CASP5: variants seen among roughly 807,000 people sequenced by gnomAD.
The protein encoded by CASP5 is caspase-5.
In CASP5, 42 loss-of-function variants were observed where a neutral mutation model predicts 45.2. The observed-to-expected ratio is 0.93, with a 90% CI of 0.73 to 1.20. The LOEUF (loss-of-function observed/expected upper bound fraction) is 1.20, where lower values mean the gene tolerates loss of function less well. Among genes scored for constraint, CASP5 ranks in the 50% most tolerant of loss-of-function variants. The pLI, the probability that CASP5 is intolerant of heterozygous loss-of-function variation, is 0.00. For missense variants in CASP5, 512 were observed against 532.2 expected, an observed-to-expected ratio of 0.96 and a Z score of 0.37; for synonymous variants, 209 against 186.2, an observed-to-expected ratio of 1.12 and a Z score of -1.00.
chr11:105,007,672 T>C (rs558096382), intron 2 of CASP5, among the ~76,000 whole-genome samples: 4 of 152,248 alleles, frequency 2.6e-5, no homozygotes, highest in African/African-American at 7.2e-5. Flanking sequence ...ATAATTTACC[T>C]GAAATGGACA....
At chr11:104,999,360 C>T (rs1303625181) in intron 6 of CASP5, among the ~76,000 whole-genome samples, 1 of 152,152 alleles carries the variant, frequency 6.6e-6, no homozygotes, top group African/African-American at 2.4e-5. Flanking sequence ...CAGCTTCATT[C>T]ATGTCCCTGC....
chr11:104,994,413 A>G (rs1294032733), intron 9 of CASP5, 66 bp from the exon 10 acceptor site: 1 of 152,190 alleles, frequency 6.6e-6, no homozygotes, highest in Non-Finnish European at 1.5e-5. Flanking sequence ...CCCATCCTTC[A>G]TTATGATTCT....
intron 1 of CASP5, among the ~76,000 whole-genome samples, chr11:105,013,133 G>C (rs1565390713): frequency 6.6e-6 from 1 of 151,824 alleles, no homozygotes; most frequent in Non-Finnish European, 1.5e-5. Context: ...GATTAACATG[G>C]ATAACATTAC....
At position 105,003,411 on chromosome 11, in the gene CASP5, T is replaced by C. The variant is rs750592959; in HGVS notation, c.434-28A>G. 17 of 1,318,866 alleles carry C rather than the reference T, an allele frequency of 1.3e-5. No homozygotes were observed. The East Asian group carries it at 3.5e-4, about 28-fold the overall frequency. 81.7% of individuals were successfully genotyped at this position (1,318,866 alleles called of 1,614,324 possible). ...GTGGGATATCACAAAATATAAATTA[T>C]GGTTTCTGCCTCTGTGACCCAATTT... On this transcript the variant is annotated intron_variant, in intron 3 of 9. Coordinates refer to ENST00000260315, the MANE Select transcript of CASP5 (RefSeq NM_004347.5).
intron 1 of CASP5, among the ~76,000 whole-genome samples, chr11:105,011,665 T>C (rs1473143844): frequency 5.9e-5 from 9 of 151,514 alleles, no homozygotes; most frequent in African/African-American, 2.4e-5. Flanking sequence ...AACTAAAAAA[T>C]TGGATGATAA....
At position 105,007,246 on chromosome 11, in the gene CASP5, G is replaced by A. The variant is rs148588943; in HGVS notation, c.270C>T (p.His90=). Residue 90 remains histidine, a synonymous_variant, in exon 3 of 10, where the codon CAC becomes CAT. Coordinates refer to ENST00000260315, the MANE Select transcript of CASP5 (RefSeq NM_004347.5). ...CCTCTTCCTTCAATGTCAGAACATC[G>A]TGTTTTGCCAAATAATTAAAAACAC... ...LHGVFNYLAK[H]DVLTLKEEEK... 6.8e-6 allele frequency: 11 copies of A among 1,612,208 alleles called. No individual in the cohort carries two copies. The African/African-American group carries it at 8.0e-5, about 12-fold the overall frequency.
chr11:105,006,032 G>A (rs1435840506), intron 3 of CASP5, among the ~76,000 whole-genome samples: 1 of 152,108 alleles, frequency 6.6e-6, no homozygotes, highest in Non-Finnish European at 1.5e-5. Context: ...TTATGTTCAT[G>A]ATCGTATGTG....
At chr11:105,020,679 C>T (rs182775874) in intron 1 of CASP5, among the ~76,000 whole-genome samples, 22,997 of 151,736 alleles carry the variant, frequency 0.15, 1,964 homozygotes, top group Admixed American at 0.24. Context: ...AATGGAAGAA[C>T]ATTCCATGCT....
chr11:105,002,561 T>G (rs1478734630), intron 4 of CASP5, among the ~76,000 whole-genome samples: 2 of 152,204 alleles, frequency 1.3e-5, no homozygotes, highest in African/African-American at 4.8e-5. Flanking sequence ...CCTTCCGTAT[T>G]ATGATTATTT....
intron 3 of CASP5, 42 bp from the exon 4 acceptor site, chr11:105,003,425 G>T: frequency 9.1e-7 from 1 of 1,093,904 alleles, no homozygotes; most frequent in Non-Finnish European, 1.3e-6. Context: ...TTCTGCCTCT[G>T]TGACCCAATT....
chr11:104,998,513 G>C (rs1188076931), intron 7 of CASP5, among the ~76,000 whole-genome samples: 1 of 152,088 alleles, frequency 6.6e-6, no homozygotes, highest in African/African-American at 2.4e-5. Flanking sequence ...CGTTTGGAAA[G>C]ACAGCCAGTA....
chr11:105,009,767 ACACGTATATATATATATATACACACG>A (rs1862203788), intron 1 of CASP5, among the ~76,000 whole-genome samples: 1 of 75,962 alleles, frequency 1.3e-5, no homozygotes, highest in Admixed American at 1.3e-4. Context: ...ATACACACAC[ACACGTATATATATATATATACACACG>A]TATATATATA....
intron 1 of CASP5, among the ~76,000 whole-genome samples, chr11:105,009,786 T>TATATATAC (rs1313739061): frequency 4.2e-5 from 4 of 94,922 alleles, no homozygotes; most frequent in African/African-American, 1.5e-4. Context: ...TATATATATA[T>TATATATAC]ACACACGTAT....
intron 1 of CASP5, among the ~76,000 whole-genome samples, chr11:105,016,216 T>C (rs917443686): frequency 2.0e-5 from 3 of 152,158 alleles, no homozygotes; most frequent in Non-Finnish European, 2.9e-5. Context: ...TAAAGGTTAA[T>C]AAATGCCTAC....
At chr11:105,005,354 A>ATGTG (rs1383458291) in intron 3 of CASP5, among the ~76,000 whole-genome samples, 9 of 113,948 alleles carry the variant, frequency 7.9e-5, no homozygotes, top group East Asian at 2.2e-4. Flanking sequence ...GTGTATATAT[A>ATGTG]TATGTGTGTG....
chr11:104,995,549 T>C (rs1861423024), intron 9 of CASP5, among the ~76,000 whole-genome samples, 191 bp downstream of exon 9: 1 of 152,194 alleles, frequency 6.6e-6, no homozygotes, highest in Non-Finnish European at 1.5e-5. Flanking sequence ...TACCCTTTGA[T>C]TGATTATATA....
chr11:105,016,449 G>A (rs1862597991), intron 1 of CASP5, among the ~76,000 whole-genome samples: 3 of 152,150 alleles, frequency 2.0e-5, no homozygotes, highest in East Asian at 1.9e-4. Flanking sequence ...CAGTGGGTGC[G>A]TGCACCGTGT....
Position 105,021,006 on chromosome 11 carries a change from A to G in CASP5, c.7+2124T>C, listed in dbSNP as rs993520553. Among the ~76,000 whole-genome samples, 61 of 152,060 alleles carry G rather than the reference A, an allele frequency of 4.0e-4. 1 individual carries two copies. Among genetic ancestry groups the G allele is most frequent in the South Asian group, 6.2e-4 (3 of 4,818 alleles). On this transcript the variant is annotated intron_variant, in intron 1 of 9. Coordinates refer to ENST00000260315, the MANE Select transcript of CASP5 (RefSeq NM_004347.5). ...ACAGAGCCCTCAGAAATAATGCCGC[A>G]TATCTACAACTATCTGATCTTTGAC...
chr11:105,013,749 A>G (rs935638066), intron 1 of CASP5, among the ~76,000 whole-genome samples: 1 of 152,084 alleles, frequency 6.6e-6, no homozygotes, highest in Non-Finnish European at 1.5e-5. Context: ...AACCTCATTC[A>G]ATTGAACTTT....
Sources: gnomAD v4.1 joint callset for allele counts (sites outside exome capture counted in the v4.1 genomes callset) on GRCh38, gnomAD v4.1.1 for gene constraint, MANE v1.5 for transcripts, NCBI Gene and HGNC (gene_info 2026-07-23, HGNC 2026-07-21) for gene names.